Variants in AHCY observed in about 807,000 individuals in gnomAD.
AHCY encodes the protein S-adenosyl-L-homocysteine hydrolase.
A neutral mutation model predicts 45.4 loss-of-function variants in AHCY; 24 were observed. The observed-to-expected ratio is 0.53, with a 90% CI of 0.38 to 0.74. The LOEUF (loss-of-function observed/expected upper bound fraction) is 0.74, where lower values mean the gene tolerates loss of function less well. Among genes scored for constraint, AHCY ranks in the 30% least tolerant of loss-of-function variants. The pLI, the probability that AHCY is intolerant of heterozygous loss-of-function variation, is 0.00. For missense variants in AHCY, 449 were observed against 594.1 expected (o/e 0.76, Z 2.54); for synonymous variants, 245 against 235.1 (o/e 1.04, Z -0.39).
chr20:34,259,342 G>A, the AHCY span, among the ~76,000 whole-genome samples: 3 of 151,846 alleles, frequency 2.0e-5, no homozygotes, highest in East Asian at 1.9e-4. Flanking sequence ...GTGAAATCCC[G>A]TCTTTACTAA....
intron 1 of AHCY, among the ~76,000 whole-genome samples, chr20:34,298,611 G>GT (rs1327083939): frequency 8.2e-6 from 1 of 121,396 alleles, no homozygotes; most frequent in African/African-American, 6.5e-5. Context: ...GCGGCGGGAG[G>GT]GGGGGGGGTG....
At chr20:34,263,436 G>T in the AHCY span, among the ~76,000 whole-genome samples, 3 of 151,856 alleles carry the variant, frequency 2.0e-5, no homozygotes, top group African/African-American at 7.3e-5. Context: ...GTGGTGGTGG[G>T]CGCCTGTAAT....
At chr20:34,284,682 G>A (rs1281464140) in intron 9 of AHCY, among the ~76,000 whole-genome samples, 1 of 152,160 alleles carries the variant, frequency 6.6e-6, no homozygotes, top group East Asian at 1.9e-4. Context: ...AATTAGCCAA[G>A]TGTGGTGGCA....
chr20:34,269,627 T>A, the AHCY span, among the ~76,000 whole-genome samples: 1 of 149,750 alleles, frequency 6.7e-6, no homozygotes, highest in South Asian at 2.1e-4. Context: ...TGCTCCCCTC[T>A]CCCCAGGGGA....
intron 1 of AHCY, chr20:34,301,789 T>G (rs1175893991): frequency 1.0e-6 from 1 of 984,832 alleles, no homozygotes; most frequent in African/African-American, 1.7e-5. Flanking sequence ...ATCCACACAA[T>G]GGAGACAGTC....
chr20:34,261,508 C>T, the AHCY span, among the ~76,000 whole-genome samples: 1 of 152,166 alleles, frequency 6.6e-6, no homozygotes, highest in African/African-American at 2.4e-5. Flanking sequence ...GTAGCATGCG[C>T]CTGTAGTCCT....
chr20:34,243,410 A>G, the AHCY span, among the ~76,000 whole-genome samples: 1 of 152,204 alleles, frequency 6.6e-6, no homozygotes, highest in African/African-American at 2.4e-5. Context: ...ACGTGTATGT[A>G]GATACAGCCC....
chr20:34,273,645 T>C, the AHCY span, among the ~76,000 whole-genome samples: 23 of 152,296 alleles, frequency 1.5e-4, no homozygotes, highest in East Asian at 4.4e-3. Context: ...CCAATTCCCA[T>C]TTGCGAAGAG....
chr20:34,272,919 G>C, the AHCY span, among the ~76,000 whole-genome samples: 3 of 152,154 alleles, frequency 2.0e-5, no homozygotes, highest in Non-Finnish European at 4.4e-5. Context: ...TATTATAAAG[G>C]CTATTACAAA....
the AHCY span, among the ~76,000 whole-genome samples, chr20:34,235,866 A>AAGG: frequency 0.03 from 1,109 of 36,576 alleles, 109 homozygotes; most frequent in South Asian, 0.084. Context: ...GGAAGGAAGG[A>AAGG]AAGGAAGGAA....
the AHCY span, chr20:34,241,551 T>C: frequency 1.0e-6 from 1 of 984,338 alleles, no homozygotes; most frequent in Non-Finnish European, 1.2e-6. Context: ...CTTTGGAAAG[T>C]TGAAAGGACT....
At chr20:34,241,452 A>T in the AHCY span, 2 of 985,454 alleles carry the variant, frequency 2.0e-6, no homozygotes, top group Non-Finnish European at 2.4e-6. Flanking sequence ...AAGGTGAAAA[A>T]GGAAGTTCCT....
chr20:34,236,488 G>A, the AHCY span, among the ~76,000 whole-genome samples: 1 of 152,120 alleles, frequency 6.6e-6, no homozygotes, highest in Admixed American at 6.5e-5. Flanking sequence ...ACGTTGCAGT[G>A]AGCTGAGATT....
At chr20:34,262,179 G>C in the AHCY span, among the ~76,000 whole-genome samples, 1 of 152,036 alleles carries the variant, frequency 6.6e-6, no homozygotes, top group South Asian at 2.1e-4. Context: ...AGGGAAGGGA[G>C]GAACATCAAC....
At chr20:34,245,536 C>A in the AHCY span, among the ~76,000 whole-genome samples, 2 of 151,184 alleles carry the variant, frequency 1.3e-5, no homozygotes, top group Admixed American at 1.3e-4. Flanking sequence ...TACAGGTGTG[C>A]GCCACCATGC....
At chr20:34,281,666 G>A (rs74729960) in intron 9 of AHCY, 11,740 of 201,482 alleles carry the variant, frequency 0.058, 1,443 homozygotes, top group African/African-American at 0.26. Flanking sequence ...GTTTGGATCC[G>A]AGAATAAAGT....
the AHCY span, among the ~76,000 whole-genome samples, chr20:34,247,960 C>A: frequency 6.6e-6 from 1 of 152,194 alleles, no homozygotes; most frequent in Admixed American, 6.5e-5. Context: ...AATCCCAGCA[C>A]TTTGGAAGGC....
chr20:34,281,979 G>A (rs1204712060), intron 9 of AHCY, among the ~76,000 whole-genome samples: 7 of 152,314 alleles, frequency 4.6e-5, no homozygotes, highest in South Asian at 4.1e-4. Context: ...GTGAGCCACC[G>A]TGCCTGGCAG....
chr20:34,279,621 A>G (rs1253127607), downstream of AHCY, among the ~76,000 whole-genome samples: 3 of 152,102 alleles, frequency 2.0e-5, no homozygotes, highest in East Asian at 5.8e-4. Context: ...CACGTAACTT[A>G]TGCAACTTAA....
Sources: allele counts gnomAD v4.1 joint callset (sites outside exome capture counted in the v4.1 genomes callset), GRCh38; gene constraint gnomAD v4.1.1; transcripts MANE v1.5; gene names NCBI Gene and HGNC (gene_info 2026-07-23, HGNC 2026-07-21).